Variants in FRMPD4 observed in about 807,000 individuals in gnomAD.
The protein encoded by FRMPD4 is FERM and PDZ domain-containing protein 4.
FRMPD4 carries 22 observed loss-of-function variants against 94.1 expected under a neutral mutation model. That is an observed-to-expected ratio of 0.23 (90% CI 0.17 to 0.33). The LOEUF is 0.33. Ranked by LOEUF, FRMPD4 falls within the 10% of genes least tolerant of loss-of-function variation. The pLI is 1.00. For synonymous variants in FRMPD4, 631 were observed against 548.6 expected (o/e 1.15, Z -2.10); for missense variants, 1,111 against 1,339.9 (o/e 0.83, Z 2.67).
At chrX:12,079,000 C>T (rs2055041726) in intron 3 of FRMPD4, among the ~76,000 whole-genome samples, 1 of 111,277 alleles carries the variant, frequency 9.0e-6, no homozygotes, top group Non-Finnish European at 1.9e-5. Flanking sequence ...TTCATGGAAA[C>T]ATAATTAGGG....
intron 2 of FRMPD4, among the ~76,000 whole-genome samples, chrX:12,594,455 A>G (rs1038937112): frequency 9.2e-6 from 1 of 108,417 alleles, no homozygotes; most frequent in Admixed American, 9.7e-5. Flanking sequence ...TTATTTTTTG[A>G]GATGGAGTCT....
chrX:12,260,706 G>A (rs2054176468), intron 1 of FRMPD4, among the ~76,000 whole-genome samples: 1 of 112,050 alleles, frequency 8.9e-6, no homozygotes, highest in Admixed American at 9.4e-5. Flanking sequence ...GTAAGGCCAT[G>A]AATAACCTTT....
chrX:12,181,848 G>A (rs1219689861), intron 1 of FRMPD4, among the ~76,000 whole-genome samples: 2 of 111,720 alleles, frequency 1.8e-5, no homozygotes, highest in Non-Finnish European at 3.8e-5. Flanking sequence ...CTGCCTCTCA[G>A]CCTCCTTTTT....
At chrX:12,057,033 C>T (rs1230314846) in intron 3 of FRMPD4, among the ~76,000 whole-genome samples, 1 of 111,731 alleles carries the variant, frequency 9.0e-6, no homozygotes, top group Non-Finnish European at 1.9e-5. Context: ...TTATAAAATG[C>T]TTTGAAACAA....
intron 3 of FRMPD4, among the ~76,000 whole-genome samples, chrX:11,905,694 C>T (rs1009616716): frequency 5.4e-5 from 6 of 111,120 alleles, no homozygotes; most frequent in East Asian, 5.6e-4. Flanking sequence ...ACATTGATAA[C>T]GTGTGCTCCT....
At chrX:12,014,204 T>C (rs913878936) in intron 3 of FRMPD4, among the ~76,000 whole-genome samples, 1 of 111,107 alleles carries the variant, frequency 9.0e-6, no homozygotes, top group African/African-American at 3.3e-5. Flanking sequence ...CTGCTGATAA[T>C]AGACAGCAAC....
chrX:12,557,717 C>T (rs144380222), intron 2 of FRMPD4, among the ~76,000 whole-genome samples: 4 of 111,284 alleles, frequency 3.6e-5, no homozygotes, highest in African/African-American at 6.6e-5. Context: ...TCTCTAAGCA[C>T]GTGATTTATT....
Position 12,586,511 on chromosome X carries a change from T to C in FRMPD4, c.159-23210T>C, listed in dbSNP as rs144635657. Among the ~76,000 whole-genome samples the C allele has an allele frequency of 1.5e-3, 173 of 112,801 alleles. 1 individual carries two copies. Among genetic ancestry groups the C allele is most frequent in the Non-Finnish European group, 2.4e-3 (129 of 53,372 alleles). On this transcript the variant is annotated intron_variant, in intron 2 of 16. Coordinates refer to ENST00000675598, the MANE Select transcript of FRMPD4 (RefSeq NM_001368397.1). ...GCAAGGTTTGATCTGGATCAGTGGCTGATCATTCTTAATTTAGCTATTGAA... is the reference window on the plus strand; with the variant it reads ...GCAAGGTTTGATCTGGATCAGTGGCCGATCATTCTTAATTTAGCTATTGAA...
At chrX:12,578,730 G>A (rs1438502) in intron 2 of FRMPD4, among the ~76,000 whole-genome samples, 28,817 of 110,792 alleles carry the variant, frequency 0.26, 3,357 homozygotes, top group African/African-American at 0.47. Context: ...TACTGTATGT[G>A]TATCTGTGCT....
intron 5 of FRMPD4, among the ~76,000 whole-genome samples, chrX:12,679,843 G>C (rs941266138): frequency 9.0e-6 from 1 of 111,315 alleles, no homozygotes; most frequent in Admixed American, 9.5e-5. Flanking sequence ...TGCTTTACTG[G>C]TTTATTCTCC....
chrX:12,408,151 A>G (rs2056689287), intron 1 of FRMPD4, among the ~76,000 whole-genome samples: 1 of 107,272 alleles, frequency 9.3e-6, no homozygotes, highest in South Asian at 4.4e-4. Flanking sequence ...CAGGGCTTAT[A>G]TACCATAGGG....
At chrX:12,024,466 T>G (rs2054648754) in intron 3 of FRMPD4, among the ~76,000 whole-genome samples, 3 of 112,236 alleles carry the variant, frequency 2.7e-5, no homozygotes, top group Admixed American at 9.4e-5. Flanking sequence ...TTGAAAGAGT[T>G]GCCAAATCTT....
At chrX:12,135,557 T>C (rs1010875031), upstream of FRMPD4, among the ~76,000 whole-genome samples, 5 of 106,724 alleles carry the variant, frequency 4.7e-5, no homozygotes, top group African/African-American at 1.7e-4. Context: ...TAAAGACCTG[T>C]AGAAGTCAGT....
chrX:12,193,834 G>GAAAA (rs1491294303), intron 1 of FRMPD4, among the ~76,000 whole-genome samples: 1 of 33,033 alleles, frequency 3.0e-5, no homozygotes, highest in Non-Finnish European at 5.2e-5. Context: ...AAGGAGGGAA[G>GAAAA]GAAGAAAGAA....
chrX:12,359,171 A>G (rs918116875), intron 1 of FRMPD4, among the ~76,000 whole-genome samples: 11 of 112,021 alleles, frequency 9.8e-5, no homozygotes, highest in African/African-American at 3.6e-4. Flanking sequence ...AAGCTATAAA[A>G]ATAGAGATGA....
intron 3 of FRMPD4, among the ~76,000 whole-genome samples, chrX:11,915,630 A>T (rs2054020703): frequency 8.9e-6 from 1 of 112,546 alleles, no homozygotes; most frequent in Non-Finnish European, 1.9e-5. Context: ...TGGTCATATG[A>T]CAAGTTTTCA....
At chrX:12,367,963 G>A (rs2056108945) in intron 1 of FRMPD4, among the ~76,000 whole-genome samples, 2 of 111,848 alleles carry the variant, frequency 1.8e-5, no homozygotes, top group Non-Finnish European at 3.8e-5. Flanking sequence ...CTCTATCTAG[G>A]CTTAGGTCCC....
chrX:12,548,766 T>C (rs1387349651), intron 2 of FRMPD4, among the ~76,000 whole-genome samples: 4 of 112,090 alleles, frequency 3.6e-5, no homozygotes, highest in Non-Finnish European at 7.5e-5. Context: ...AGGTCTTATC[T>C]AGTTGGGCCA....
chrX:12,305,450 G>T (rs1157393896), intron 1 of FRMPD4, among the ~76,000 whole-genome samples: 1 of 111,726 alleles, frequency 9.0e-6, no homozygotes, highest in Non-Finnish European at 1.9e-5. Context: ...TCCCTAGATG[G>T]CAAAGGTGGT....
Sources: allele counts gnomAD v4.1 joint callset (sites outside exome capture counted in the v4.1 genomes callset), GRCh38; gene constraint gnomAD v4.1.1; transcripts MANE v1.5; gene names NCBI Gene and HGNC (gene_info 2026-07-23, HGNC 2026-07-21).